FUT8: variants seen among roughly 807,000 people sequenced by gnomAD.
The protein encoded by FUT8 is alpha-(1,6)-fucosyltransferase.
In FUT8, 29 loss-of-function variants were observed where a neutral mutation model predicts 71.3. That is an observed-to-expected ratio of 0.41 (90% CI 0.30 to 0.55). The LOEUF (loss-of-function observed/expected upper bound fraction) is 0.55, where lower values mean the gene tolerates loss of function less well. Ranked by LOEUF, FUT8 falls within the 20% of genes least tolerant of loss-of-function variation. The pLI is 0.34. For synonymous variants in FUT8, 254 were observed against 239.3 expected (o/e 1.06, Z -0.57); for missense variants, 544 against 702.1 (o/e 0.77, Z 2.55).
At chr14:65,376,049 C>A in the FUT8 span, among the ~76,000 whole-genome samples, 1 of 151,168 alleles carries the variant, frequency 6.6e-6, no homozygotes, top group Non-Finnish European at 1.5e-5. Flanking sequence ...CAAGATCATG[C>A]CACTGCACTC....
At chr14:65,387,343 A>G in the FUT8 span, among the ~76,000 whole-genome samples, 1 of 152,178 alleles carries the variant, frequency 6.6e-6, no homozygotes, top group East Asian at 1.9e-4. Flanking sequence ...AAGTTTTTCC[A>G]TTCGGGGAAT....
intron 6 of FUT8, among the ~76,000 whole-genome samples, chr14:65,665,124 T>A (rs1023431732): frequency 3.3e-5 from 5 of 152,188 alleles, no homozygotes; most frequent in African/African-American, 1.2e-4. Flanking sequence ...TATGATTTTT[T>A]AAATGTTCCA....
chr14:65,689,860 G>A (rs958626336), intron 7 of FUT8, among the ~76,000 whole-genome samples: 2 of 152,336 alleles, frequency 1.3e-5, no homozygotes, highest in Admixed American at 6.5e-5. Context: ...CAACTTCACT[G>A]AAGTTTAACT....
Position 65,550,828 on chromosome 14 carries a change from A to G in FUT8, c.-227-10509A>G, listed in dbSNP as rs1345974144. Among the ~76,000 whole-genome samples the G allele has an allele frequency of 6.6e-6, 1 of 152,144 alleles. No homozygotes were observed. Among genetic ancestry groups the G allele is most frequent in the African/African-American group, 2.4e-5 (1 of 41,430 alleles). On this transcript the variant is annotated intron_variant, in intron 2 of 10. Transcript: ENST00000673929. The surrounding 1 kb of genome is among the most constrained non-coding windows in gnomAD (Gnocchi z 4.5). ...GTTGGCATCATAGTATAAAATACAT[A>G]TTTTTGGCAAAGTAATTAATACTTT... is the stretch of plus-strand genomic sequence containing the variant.
At chr14:65,501,867 G>T (rs2066650016) in intron 2 of FUT8, among the ~76,000 whole-genome samples, 1 of 148,922 alleles carries the variant, frequency 6.7e-6, no homozygotes, top group African/African-American at 2.5e-5. Flanking sequence ...TAGTTAATGT[G>T]ATGGGGGAGG....
chr14:65,582,981 G>A (rs1447792081), intron 3 of FUT8, among the ~76,000 whole-genome samples: 1 of 152,112 alleles, frequency 6.6e-6, no homozygotes, highest in Non-Finnish European at 1.5e-5. Context: ...CATAGTGAAT[G>A]CTGCATGAAT....
At chr14:65,739,562 G>A (rs190150180) in intron 10 of FUT8, among the ~76,000 whole-genome samples, 12 of 151,984 alleles carry the variant, frequency 7.9e-5, no homozygotes, top group African/African-American at 2.4e-4. Flanking sequence ...AACACATCAC[G>A]GTTCATTGTC....
intron 2 of FUT8, among the ~76,000 whole-genome samples, chr14:65,519,547 G>T (rs1302733022): frequency 6.6e-6 from 1 of 152,134 alleles, no homozygotes; most frequent in Non-Finnish European, 1.5e-5. Flanking sequence ...GTTTTACCAT[G>T]ATCATGTGCT....
chr14:65,525,279 G>C (rs577573036), intron 2 of FUT8, among the ~76,000 whole-genome samples: 17 of 152,006 alleles, frequency 1.1e-4, no homozygotes, highest in Admixed American at 3.9e-4. Flanking sequence ...ACTTCTTCCT[G>C]GTTTAGTCTT....
chr14:65,611,315 A>T (rs1888987210), intron 3 of FUT8, among the ~76,000 whole-genome samples: 1 of 140,406 alleles, frequency 7.1e-6, no homozygotes. Context: ...CCCAAGTAAT[A>T]GCCTTGATTT....
At chr14:65,424,079 G>T (rs965041756) in intron 1 of FUT8, among the ~76,000 whole-genome samples, 1 of 152,206 alleles carries the variant, frequency 6.6e-6, no homozygotes, top group Admixed American at 6.5e-5. Context: ...GGCATCACTA[G>T]TGGCACTTAG....
intron 5 of FUT8, among the ~76,000 whole-genome samples, chr14:65,621,450 A>G (rs1012986250): frequency 2.0e-5 from 3 of 151,840 alleles, no homozygotes; most frequent in South Asian, 2.1e-4. Context: ...GGGTTTCACC[A>G]TGTTGGCCAG....
chr14:65,721,396 A>G (rs1471369544), intron 7 of FUT8, among the ~76,000 whole-genome samples: 1 of 152,206 alleles, frequency 6.6e-6, no homozygotes, highest in Non-Finnish European at 1.5e-5. Flanking sequence ...AAAAGCTAGA[A>G]GTTTCGAGAA....
chr14:65,570,838 A>T (rs1246166562), intron 3 of FUT8, among the ~76,000 whole-genome samples: 2 of 152,142 alleles, frequency 1.3e-5, no homozygotes, highest in Non-Finnish European at 2.9e-5. Context: ...GGTAGACAAG[A>T]TCGAAAACCT....
chr14:65,608,333 C>T (rs1888695270), intron 3 of FUT8, among the ~76,000 whole-genome samples: 1 of 151,648 alleles, frequency 6.6e-6, no homozygotes, highest in African/African-American at 2.4e-5. Flanking sequence ...TTTATTCTTT[C>T]CAATGTTCAT....
the FUT8 span, among the ~76,000 whole-genome samples, chr14:65,379,754 A>G: frequency 6.6e-6 from 1 of 152,156 alleles, no homozygotes; most frequent in African/African-American, 2.4e-5. Flanking sequence ...AGTAATGTAT[A>G]AACAATCGAA....
At chr14:65,657,841 A>G (rs1210165279) in intron 6 of FUT8, among the ~76,000 whole-genome samples, 1 of 152,174 alleles carries the variant, frequency 6.6e-6, no homozygotes, top group East Asian at 1.9e-4. Context: ...TTGTAACACA[A>G]AGGATGGCTA....
In FUT8 at chr14:65,430,124, A is replaced by G. The variant is rs1315509816; in HGVS notation, c.-326+16910A>G. 4.6e-5 allele frequency: 7 copies of G among 151,276 alleles called. No homozygotes were observed. The South Asian group carries it at 8.3e-4, about 18-fold the overall frequency. 9.4% of individuals were successfully genotyped at this position (151,276 alleles called of 1,614,324 possible). On this transcript the variant is annotated intron_variant, in intron 1 of 10. Coordinates refer to ENST00000673929, the MANE Select transcript of FUT8 (RefSeq NM_001371533.1). The stretch of plus-strand genomic sequence containing the variant: ...AGCCTCGACCCCTGGGGCAGAATCT[A>G]TCCTCCCAGCTCAGCCTCCTGAGTA...
chr14:65,468,234 A>G, intron 2 of FUT8: 1 of 626,838 alleles, frequency 1.6e-6, no homozygotes, highest in Non-Finnish European at 3.0e-6. Flanking sequence ...CTACAATATC[A>G]CCTTTCTTAT....
Sources: gnomAD v4.1 joint callset for allele counts (sites outside exome capture counted in the v4.1 genomes callset) on GRCh38, gnomAD v4.1.1 for gene constraint, Gnocchi (gnomAD v3.1) non-coding constraint, MANE v1.5 for transcripts, NCBI Gene and HGNC (gene_info 2026-07-23, HGNC 2026-07-21) for gene names.